The following TTN variants were observed in gnomAD, a reference collection of about 807,000 sequenced individuals.
TTN encodes connectin.
TTN carries 1,525 observed loss-of-function variants against 3,223.0 expected under a neutral mutation model. The observed-to-expected ratio is 0.47, with a 90% CI of 0.45 to 0.49. The LOEUF is 0.49. Ranked by LOEUF, TTN falls within the 20% of genes least tolerant of loss-of-function variation. The probability of loss-of-function intolerance (pLI) is 0.00; values close to 1 mark genes in which losing one functional copy is unlikely to be tolerated. For synonymous variants in TTN, 14,094 were observed against 15,161.0 expected (o/e 0.93, Z 5.17); for missense variants, 40,786 against 43,424.0 (o/e 0.94, Z 5.40).
In TTN at chr2:178,589,767, G is replaced by C; in HGVS notation, c.61958C>G (p.Thr20653Ser). ...CAENKVGVGP[T>S]IETKTPILAI... is the part of the protein sequence containing the mutation. ...CAGAATGGGAGTTTTTGTTTCGATG[G>C]TTGGCCCAACACCTACTTTATTCTC... The change falls in exon 304 of 363, where the codon ACC becomes AGC. Residue 20653 changes from threonine to serine, a missense_variant. Transcript: ENST00000589042. 1 of 1,613,530 alleles carries C rather than the reference G, an allele frequency of 6.2e-7. No individual in the cohort carries two copies. Among genetic ancestry groups the C allele is most frequent in the Non-Finnish European group, 8.5e-7 (1 of 1,179,592 alleles).
intron 304 of TTN, 24 bp downstream of exon 304, chr2:178,588,514 T>G: frequency 6.6e-7 from 1 of 1,508,714 alleles, no homozygotes; most frequent in Non-Finnish European, 8.8e-7. Flanking sequence ...TGCTGTAATA[T>G]CAGAAAAAAC....
chr2:178,598,376 G>A (rs2052343065), intron 292 of TTN, 130 bp downstream of exon 292: 1 of 1,123,758 alleles, frequency 8.9e-7, no homozygotes, highest in Non-Finnish European at 1.2e-6. Context: ...TTTGGAATGT[G>A]AGTTAAAATT....
intron 50 of TTN, 81 bp downstream of exon 50, chr2:178,735,430 A>C: frequency 7.7e-7 from 1 of 1,298,816 alleles, no homozygotes; most frequent in Middle Eastern, 2.7e-4. Context: ...AAGTGTACTG[A>C]CTGAATTGTT....
At chr2:178,763,334 A>G (rs1012612276) in intron 43 of TTN, among the ~76,000 whole-genome samples, 2 of 152,202 alleles carry the variant, frequency 1.3e-5, no homozygotes, top group African/African-American at 4.8e-5. Flanking sequence ...CTGTATGATG[A>G]GCACTGTGCT....
rs1441661045 is a variant in TTN, at chr2:178,576,832, C to T, written c.69413-1G>A. 1 of 1,603,706 alleles carries T rather than the reference C, an allele frequency of 6.2e-7. No individual in the cohort carries two copies. The highest frequency in any genetic ancestry group is 1.1e-5 in the South Asian group (1 of 88,412). Reference sequence around the variant, plus strand: ...GGTTTTTCAGGAGGGCCAGGGGGACCTGAAAAGGAAGCAAATTTATTAGAA... The same window carrying T: ...GGTTTTTCAGGAGGGCCAGGGGGACTTGAAAAGGAAGCAAATTTATTAGAA... On this transcript the variant is annotated splice_acceptor_variant, in intron 324 of 362. Transcript: ENST00000589042. LOFTEE classifies it high-confidence loss of function. This position sits in a 1 kb window ranked among gnomAD's most constrained non-coding sequence, Gnocchi z 4.3.
At position 178,634,059 on chromosome 2, in the gene TTN, G is replaced by C; in HGVS notation, c.42440C>G (p.Pro14147Arg). ...TTCTTTTACTGTTTGATCTTCAAGA[G>C]GTGACATGAATTTCAGTCTTATACC... ...VTGIRLKFMSPLEDQTVKEGE... is the reference protein window; with the variant it reads ...VTGIRLKFMSRLEDQTVKEGE... The change falls in exon 231 of 363, where the codon CCT (proline) becomes CGT (arginine). Residue 14147 changes from proline to arginine, a missense_variant. Transcript: ENST00000589042. The surrounding 1 kb of genome is among the most constrained non-coding windows in gnomAD (Gnocchi z 4.6). 1 of 1,612,936 alleles carries C rather than the reference G, an allele frequency of 6.2e-7. No individual in the cohort carries two copies. The highest frequency in any genetic ancestry group is 8.5e-7 in the Non-Finnish European group (1 of 1,179,408).
In TTN at chr2:178,532,439, A is replaced by G; in HGVS notation, c.104176T>C (p.Phe34726Leu). 1 of 1,613,994 alleles carries G rather than the reference A, an allele frequency of 6.2e-7. No homozygotes were observed. Among genetic ancestry groups the G allele is most frequent in the South Asian group, 1.1e-5 (1 of 91,086 alleles). Residue 34726 changes from phenylalanine to leucine, a missense_variant, in exon 358 of 363, where the codon TTC becomes CTC. Phe to Leu is a conservative substitution (Grantham distance 22). Coordinates refer to ENST00000589042, the MANE Select transcript of TTN (RefSeq NM_001267550.2). Reference sequence around the variant, plus strand: ...GGGATGTGATAGGTTGAATACCTGAAGTCTTTTCTTGTTTCCTCCACCTTG... The same window carrying G: ...GGGATGTGATAGGTTGAATACCTGAGGTCTTTTCTTGTTTCCTCCACCTTG... The part of the protein sequence containing the change: ...HVKVEETRKD[F>L]RYSTYHIPTK...
chr2:178,738,584 G>A (rs1169942831), intron 48 of TTN, among the ~76,000 whole-genome samples: 3 of 152,144 alleles, frequency 2.0e-5, no homozygotes, highest in South Asian at 4.1e-4. Context: ...TTGCTTTGCA[G>A]TGAATTGTGA....
In TTN at chr2:178,581,573, A is replaced by G; in HGVS notation, c.66695T>C (p.Val22232Ala). The G allele has an allele frequency of 6.2e-7, 1 of 1,612,696 alleles. No individual in the cohort carries two copies. Among genetic ancestry groups the G allele is most frequent in the East Asian group, 2.2e-5 (1 of 44,674 alleles). ...GTATCCAATCTTATTAACGGCATAC[A>G]CACGGAATTGATATTGTGTGTCTTC... is the stretch of plus-strand genomic sequence containing the variant. ...LMEDTQYQFR[V>A]YAVNKIGYSD... Residue 22232 changes from valine (V) to alanine (A), a missense_variant, in exon 316 of 363, where the codon GTG becomes GCG. Val to Ala is a moderately conservative substitution (Grantham distance 64). Transcript: ENST00000589042.
intron 47 of TTN, chr2:178,746,609 G>T (rs1163439649): frequency 1.2e-6 from 2 of 1,613,206 alleles, no homozygotes; most frequent in Admixed American, 3.3e-5. Context: ...AAAGCTCTTT[G>T]CTTCCCCTAT....
rs1372713604 is a variant in TTN, at chr2:178,576,023, C to T, written c.70109G>A (p.Gly23370Asp). Reference protein sequence around the residue: ...LSIRIFVPIKGRPAPEVTWTK... With the variant: ...LSIRIFVPIKDRPAPEVTWTK... ...CCATGTCACTTCAGGAGCAGGACGA[C>T]CTTTAATTGGCACAAATATCCTAAT... Residue 23370 changes from glycine to aspartate, a missense_variant, in exon 326 of 363, where the codon GGT (glycine) becomes GAT (aspartate). By Grantham distance (94) the Gly-to-Asp change is moderately conservative (BLOSUM62 -1). Coordinates refer to ENST00000589042, the MANE Select transcript of TTN (RefSeq NM_001267550.2). This position sits in a 1 kb window ranked among gnomAD's most constrained non-coding sequence, Gnocchi z 4.3. 1.2e-6 allele frequency: 2 copies of T among 1,613,058 alleles called. No individual in the cohort carries two copies. Among genetic ancestry groups the T allele is most frequent in the Non-Finnish European group, 1.7e-6 (2 of 1,179,430 alleles).
Position 178,613,162 on chromosome 2 carries a change from T to C in TTN, c.49647A>G (p.Ile16549Met). 6.2e-7 allele frequency: 1 copy of C among 1,609,304 alleles called. No homozygotes were observed. The change falls in exon 264 of 363, where the codon ATA becomes ATG. Residue 16549 changes from isoleucine (I) to methionine (M), a missense_variant and splice_region_variant. Transcript: ENST00000589042. The stretch of plus-strand genomic sequence containing the variant: ...CCACAAAAATTATATAAATAATACC[T>C]ATGGGATCCTTTATTAAGATTGGTT... ...STEPILIKDP[I>M]DPPWPPGKPT...
Position 178,702,041 on chromosome 2 carries a change from A to C in TTN, c.30537T>G (p.Pro10179=). Residue 10179 remains proline (P), a splice_region_variant and synonymous_variant, in exon 109 of 363, where the codon CCT becomes CCG. Transcript: ENST00000589042. ...ATTGATTTTTACAAAACAACTTACC[A>C]GGAGGCTTCAGCTCAAGTTTGATTT... is the stretch of plus-strand genomic sequence containing the variant. ...TKEIKLELKP[P]DIPDSRVPIP... is the part of the protein sequence containing the mutation. 1 of 1,610,722 alleles carries C rather than the reference A, an allele frequency of 6.2e-7. No homozygotes were observed. Among genetic ancestry groups the C allele is most frequent in the Non-Finnish European group, 8.5e-7 (1 of 1,178,248 alleles).
At chr2:178,791,688 T>TGTGC (rs993708601) in intron 10 of TTN, among the ~76,000 whole-genome samples, 2 of 133,724 alleles carry the variant, frequency 1.5e-5, no homozygotes, top group Non-Finnish European at 3.5e-5. Flanking sequence ...TGTGTGTGTG[T>TGTGC]GCATGTGTGT....
chr2:178,701,322 G>C (rs2074938897), intron 110 of TTN, 119 bp from the exon 111 acceptor site: 1 of 1,062,704 alleles, frequency 9.4e-7, no homozygotes, highest in Non-Finnish European at 1.3e-6. Flanking sequence ...GAATTCATCA[G>C]TCGGAACAAA....
chr2:178,740,735 A>G lies in TTN; in HGVS notation c.12498T>C (p.Ile4166=), dbSNP rs756194386. 10 of 1,613,694 alleles carry G rather than the reference A, an allele frequency of 6.2e-6. No individual in the cohort carries two copies. The African/African-American group carries it at 1.3e-4, about 22-fold the overall frequency. Reference sequence around the variant, plus strand: ...GTGTCTCAGGCTCTTCAGGCATTAGAATACCTTCTTTGGAGAAGGTTTTCT... The same window carrying G: ...GTGTCTCAGGCTCTTCAGGCATTAGGATACCTTCTTTGGAGAAGGTTTTCT... The part of the protein sequence containing the change: ...QSQKTFSKEG[I]LMPEEPETQA... The change falls in exon 48 of 363, where the codon ATT becomes ATC. Residue 4166 remains isoleucine, a synonymous_variant. Transcript: ENST00000589042.
rs753624630 is a variant in TTN, at chr2:178,577,650, T to G, written c.68776A>C (p.Ser22926Arg). 1.2e-6 allele frequency: 2 copies of G among 1,613,102 alleles called. No individual in the cohort carries two copies. The highest frequency in any genetic ancestry group is 3.3e-5 in the Admixed American group (2 of 59,970). The stretch of plus-strand genomic sequence containing the variant: ...GTTTCTGTACTTTCTGATGGAGCAC[T>G]GATAGCACCTGCTGTATTCTTTGCT... ...IRAKNTAGAI[S>R]APSESTETII... Residue 22926 changes from serine (S) to arginine (R), a missense_variant, in exon 323 of 363, where the codon AGT (serine) becomes CGT (arginine). Ser to Arg is a moderately radical substitution (Grantham distance 110). Transcript: ENST00000589042.
chr2:178,741,802 A>C lies in TTN; in HGVS notation c.11431T>G (p.Phe3811Val), dbSNP rs1465041392. 1 of 1,613,276 alleles carries C rather than the reference A, an allele frequency of 6.2e-7. No homozygotes were observed. ...CCAGTGCCTTCCTTTTCGGAATCAA[A>C]TTTAGTTGGGTAAACTGGAGATTCA... The part of the protein sequence containing the change: ...LSESPVYPTK[F>V]DSEKEGTGPI... The change falls in exon 48 of 363, where the codon TTT (phenylalanine) becomes GTT (valine). Residue 3811 changes from phenylalanine (F) to valine (V), a missense_variant. Physicochemically the swap from Phe to Val is conservative, Grantham distance 50. Transcript: ENST00000589042.
rs751425228 is a variant in TTN at position 178,664,658 on chromosome 2, A to G, written c.36198T>C (p.Asp12066=). 2.5e-6 allele frequency: 4 copies of G among 1,612,276 alleles called. No individual in the cohort carries two copies. In the African/African-American group the frequency reaches 4.0e-5, roughly 16 times the overall value. Residue 12066 remains aspartate (D), a synonymous_variant, in exon 167 of 363, where the codon GAT becomes GAC. Coordinates refer to ENST00000589042, the MANE Select transcript of TTN (RefSeq NM_001267550.2). ...VPLRKPEVLP[D]EVPEALREVV... is the part of the protein sequence containing the mutation. ...TAAGCTTCCAGCAAGATATACCTTC[A>G]TCAGGAAGGACTTCAGGCTTTCTGA...
Sources: allele counts gnomAD v4.1 joint callset (sites outside exome capture counted in the v4.1 genomes callset), GRCh38; gene constraint gnomAD v4.1.1; non-coding constraint Gnocchi (gnomAD v3.1); transcripts MANE v1.5; gene names NCBI Gene and HGNC (gene_info 2026-07-23, HGNC 2026-07-21).